Variants in GPC5 observed in about 807,000 individuals in gnomAD.
The protein encoded by GPC5 is glypican-5.
In GPC5, 47 loss-of-function variants were observed where a neutral mutation model predicts 53.9. That is an observed-to-expected ratio of 0.87 (90% CI 0.69 to 1.11). The LOEUF (loss-of-function observed/expected upper bound fraction) is 1.11. Ranked by LOEUF, GPC5 falls within the 50% of genes most tolerant of loss-of-function variation. The probability of loss-of-function intolerance (pLI) is 0.00; values close to 1 mark genes in which losing one functional copy is unlikely to be tolerated. For synonymous variants in GPC5, 286 were observed against 263.3 expected (o/e 1.09, Z -0.84); for missense variants, 748 against 713.1 (o/e 1.05, Z -0.56).
intron 6 of GPC5, among the ~76,000 whole-genome samples, chr13:92,015,430 T>C (rs2040698056): frequency 6.6e-6 from 1 of 152,202 alleles, no homozygotes; most frequent in Non-Finnish European, 1.5e-5. Context: ...TGAAACATGC[T>C]ACTGCATATC....
At chr13:92,755,529 A>G (rs1055921720) in intron 7 of GPC5, among the ~76,000 whole-genome samples, 2 of 151,854 alleles carry the variant, frequency 1.3e-5, no homozygotes, top group South Asian at 2.1e-4. Flanking sequence ...CAAAAAATCA[A>G]TGAATCCAGG....
intron 7 of GPC5, among the ~76,000 whole-genome samples, chr13:92,549,020 T>A (rs1299482046): frequency 6.6e-6 from 1 of 152,158 alleles, no homozygotes; most frequent in Non-Finnish European, 1.5e-5. Context: ...ATATCTCCAA[T>A]GGGCAGCCTT....
intron 6 of GPC5, among the ~76,000 whole-genome samples, chr13:92,119,130 G>T (rs1392718983): frequency 6.6e-6 from 1 of 152,112 alleles, no homozygotes; most frequent in Non-Finnish European, 1.5e-5. Context: ...AGGCAAATGA[G>T]CAAAGTCATG....
In GPC5 at chr13:91,435,931, G is replaced by C. The variant is rs376845363; in HGVS notation, c.164-12830G>C. 6.5e-4 allele frequency among the ~76,000 whole-genome samples: 99 copies of C among 152,150 alleles called. No homozygotes were observed. In the East Asian group the frequency reaches 0.013, roughly 19 times the overall value. On this transcript the variant is annotated intron_variant, in intron 1 of 7. Transcript: ENST00000377067. ...TTAGTCTTGGGAGGGTGTATGTGTCGAGGAATTTATCCATTTCTTCTAGAT... is the reference window on the plus strand; with the variant it reads ...TTAGTCTTGGGAGGGTGTATGTGTCCAGGAATTTATCCATTTCTTCTAGAT...
At chr13:92,515,124 T>C (rs556783219) in intron 7 of GPC5, among the ~76,000 whole-genome samples, 1 of 152,288 alleles carries the variant, frequency 6.6e-6, no homozygotes, top group South Asian at 2.1e-4. Context: ...AACTAGATGA[T>C]ATATTTGCAG....
intron 7 of GPC5, among the ~76,000 whole-genome samples, chr13:92,854,256 A>T (rs1285621570): frequency 6.8e-6 from 1 of 147,164 alleles, no homozygotes; most frequent in Non-Finnish European, 1.5e-5. Flanking sequence ...TATATTTAAC[A>T]GTTTATTGAA....
chr13:91,515,485 A>G (rs1354812097), intron 2 of GPC5, among the ~76,000 whole-genome samples: 2 of 152,204 alleles, frequency 1.3e-5, no homozygotes, highest in East Asian at 1.9e-4. Flanking sequence ...TTCATTTTAC[A>G]TAAAAGGCTA....
intron 7 of GPC5, among the ~76,000 whole-genome samples, chr13:92,211,362 C>G (rs943758041): frequency 2.0e-5 from 3 of 152,202 alleles, no homozygotes; most frequent in African/African-American, 7.2e-5. Context: ...CTTGCTCTTC[C>G]TCATTCCTGA....
intron 1 of GPC5, among the ~76,000 whole-genome samples, chr13:91,418,014 A>C (rs1452798448): frequency 1.3e-5 from 2 of 152,082 alleles, no homozygotes; most frequent in African/African-American, 4.8e-5. Context: ...TGCTGTTCTG[A>C]GTAGTATGAT....
At chr13:91,854,004 T>A (rs1005617702) in intron 5 of GPC5, among the ~76,000 whole-genome samples, 8 of 151,862 alleles carry the variant, frequency 5.3e-5, no homozygotes, top group African/African-American at 1.9e-4. Context: ...TGGTTATTTT[T>A]TTTCCTGAAA....
At chr13:91,937,204 G>C (rs1055026664) in intron 6 of GPC5, among the ~76,000 whole-genome samples, 4 of 151,946 alleles carry the variant, frequency 2.6e-5, no homozygotes, top group Non-Finnish European at 5.9e-5. Context: ...CTCATGTAAA[G>C]GTGTCCCATT....
chr13:92,605,590 T>TA lies in GPC5; in HGVS notation c.1562-260692_1562-260691insA, dbSNP rs1228045370. On this transcript the variant is annotated intron_variant, in intron 7 of 7. Coordinates refer to ENST00000377067, the MANE Select transcript of GPC5 (RefSeq NM_004466.6). ...CGTATTCACTAGTTTTTTTTTTTTT[T>TA]TTATTTTTTTGAGACGGAGTCTCGC... is the stretch of plus-strand genomic sequence containing the variant. Among the ~76,000 whole-genome samples, 97 of 149,830 alleles carry TA rather than the reference T, an allele frequency of 6.5e-4. 4 individuals are homozygous for TA. The highest frequency in any genetic ancestry group is 2.4e-3 in the African/African-American group (94 of 39,492).
At chr13:92,602,414 C>A (rs1381098777) in intron 7 of GPC5, among the ~76,000 whole-genome samples, 1 of 151,592 alleles carries the variant, frequency 6.6e-6, no homozygotes, top group Non-Finnish European at 1.5e-5. Flanking sequence ...ACTGTGCCGA[C>A]TTAGAGCTCT....
intron 7 of GPC5, among the ~76,000 whole-genome samples, chr13:92,652,984 G>C (rs957138278): frequency 2.6e-5 from 4 of 152,106 alleles, no homozygotes; most frequent in Admixed American, 2.6e-4. Context: ...AAGAATGTGA[G>C]TTTGTGTAGT....
intron 6 of GPC5, among the ~76,000 whole-genome samples, chr13:91,923,982 T>C (rs1171398496): frequency 6.6e-6 from 1 of 152,144 alleles, no homozygotes; most frequent in Non-Finnish European, 1.5e-5. Flanking sequence ...TCATTTTTAA[T>C]TTAATAAGAA....
intron 7 of GPC5, among the ~76,000 whole-genome samples, chr13:92,482,531 T>G (rs28706878): frequency 0.017 from 2,583 of 152,310 alleles, 69 homozygotes; most frequent in African/African-American, 0.059. Flanking sequence ...AGTAAAAGAT[T>G]CTTTAACACC....
At chr13:92,699,314 A>G (rs1205078667) in intron 7 of GPC5, among the ~76,000 whole-genome samples, 1 of 151,804 alleles carries the variant, frequency 6.6e-6, no homozygotes, top group Non-Finnish European at 1.5e-5. Flanking sequence ...AGATTCTTCT[A>G]TCTTTTCTTC....
chr13:92,538,159 A>G (rs1475988801), intron 7 of GPC5, among the ~76,000 whole-genome samples: 2 of 152,062 alleles, frequency 1.3e-5, no homozygotes, highest in African/African-American at 2.4e-5. Context: ...TTTCCAAACT[A>G]GTCTGTTTAG....
intron 7 of GPC5, among the ~76,000 whole-genome samples, chr13:92,517,802 C>T (rs1026648584): frequency 5.9e-5 from 9 of 152,166 alleles, no homozygotes; most frequent in South Asian, 2.1e-4. Context: ...TGCAGCTACT[C>T]GCCAGCAATG....
Sources: allele counts gnomAD v4.1 joint callset (sites outside exome capture counted in the v4.1 genomes callset), GRCh38; gene constraint gnomAD v4.1.1; transcripts MANE v1.5; gene names NCBI Gene and HGNC (gene_info 2026-07-23, HGNC 2026-07-21).